Variants in ARHGAP6 observed in about 807,000 individuals in gnomAD.
ARHGAP6 encodes the protein rho GTPase-activating protein 6.
ARHGAP6 carries 16 observed loss-of-function variants against 55.7 expected under a neutral mutation model. The observed-to-expected ratio is 0.29, with a 90% CI of 0.19 to 0.44. ARHGAP6 has a LOEUF of 0.44. Among genes scored for constraint, ARHGAP6 ranks in the 20% least tolerant of loss-of-function variants. The probability of loss-of-function intolerance (pLI) is 1.00; values close to 1 mark genes in which losing one functional copy is unlikely to be tolerated. For synonymous variants in ARHGAP6, 382 were observed against 360.9 expected, an observed-to-expected ratio of 1.06 and a Z score of -0.66; for missense variants, 698 against 808.9, an observed-to-expected ratio of 0.86 and a Z score of 1.66.
intron 1 of ARHGAP6, chrX:11,296,814 C>G: frequency 8.3e-7 from 1 of 1,211,003 alleles, no homozygotes; most frequent in East Asian, 3.0e-5. Flanking sequence ...GTTATATCAA[C>G]TTCAGCTATG....
intron 1 of ARHGAP6, among the ~76,000 whole-genome samples, chrX:11,490,708 A>G (rs1289074788): frequency 2.7e-5 from 3 of 112,055 alleles, no homozygotes; most frequent in African/African-American, 9.7e-5. Flanking sequence ...ATGGCTATTC[A>G]CAGTTTTTGG....
At chrX:11,576,017 T>A (rs917165753) in intron 1 of ARHGAP6, among the ~76,000 whole-genome samples, 1 of 112,408 alleles carries the variant, frequency 8.9e-6, no homozygotes, top group Admixed American at 9.5e-5. Flanking sequence ...CAGTAAATTA[T>A]CGTTTTTTTA....
intron 1 of ARHGAP6, among the ~76,000 whole-genome samples, chrX:11,287,068 G>T (rs910467262): frequency 9.1e-6 from 1 of 110,307 alleles, no homozygotes; most frequent in Admixed American, 9.5e-5. Context: ...GAACTTTATA[G>T]CATATAATTA....
chrX:11,203,307 A>T (rs773230767), intron 2 of ARHGAP6, among the ~76,000 whole-genome samples: 82 of 112,105 alleles, frequency 7.3e-4, no homozygotes, highest in Non-Finnish European at 1.4e-3. Context: ...TTACACAAGG[A>T]TATTGCAAGG....
At chrX:11,599,429 C>T (rs778991550) in intron 1 of ARHGAP6, among the ~76,000 whole-genome samples, 2 of 108,003 alleles carry the variant, frequency 1.9e-5, no homozygotes, top group African/African-American at 6.8e-5. Context: ...ATAGCCATCA[C>T]TTTAAACACT....
intron 1 of ARHGAP6, among the ~76,000 whole-genome samples, chrX:11,604,485 TAC>T (rs1314297284): frequency 3.6e-5 from 4 of 111,595 alleles, no homozygotes; most frequent in African/African-American, 9.8e-5. Context: ...GGCTGAGTTC[TAC>T]AGACATCTAG....
intron 1 of ARHGAP6, among the ~76,000 whole-genome samples, chrX:11,522,116 A>C (rs1375916823): frequency 8.9e-6 from 1 of 111,872 alleles, no homozygotes; most frequent in Non-Finnish European, 1.9e-5. Context: ...GAAACTGAAC[A>C]ATCTGCTCCT....
chrX:11,472,518 G>A (rs1358207496), intron 1 of ARHGAP6, among the ~76,000 whole-genome samples: 1 of 111,439 alleles, frequency 9.0e-6, no homozygotes, highest in East Asian at 2.8e-4. Context: ...AGTTCCTGAG[G>A]TGGTAAGGAG....
At chrX:11,300,431 T>G (rs1336835474) in intron 1 of ARHGAP6, among the ~76,000 whole-genome samples, 1 of 111,952 alleles carries the variant, frequency 8.9e-6, no homozygotes, top group Non-Finnish European at 1.9e-5. Flanking sequence ...GCAGTCCTCA[T>G]GGACACCTAA....
chrX:11,286,689 C>A (rs756664590), intron 1 of ARHGAP6, among the ~76,000 whole-genome samples: 1 of 112,205 alleles, frequency 8.9e-6, no homozygotes, highest in South Asian at 3.7e-4. Context: ...TTGCTGCTAA[C>A]ACCTAGAAGG....
chrX:11,244,918 G>A (rs1043142158), intron 2 of ARHGAP6, among the ~76,000 whole-genome samples: 17 of 112,123 alleles, frequency 1.5e-4, no homozygotes, highest in Non-Finnish European at 9.4e-5. Context: ...TGAATACCAT[G>A]GTACAAAGCA....
intron 1 of ARHGAP6, among the ~76,000 whole-genome samples, chrX:11,494,337 T>C (rs1364226620): frequency 8.9e-6 from 1 of 112,467 alleles, no homozygotes; most frequent in Non-Finnish European, 1.9e-5. Flanking sequence ...TAACTGAGCA[T>C]TGGCTCAGTT....
At chrX:11,615,377 T>C (rs758386884) in intron 1 of ARHGAP6, among the ~76,000 whole-genome samples, 2 of 112,196 alleles carry the variant, frequency 1.8e-5, no homozygotes, top group Non-Finnish European at 3.8e-5. Context: ...CTCATTCTTT[T>C]TTCTACTCCC....
At chrX:11,190,532 CACAT>C (rs1361772608) in intron 3 of ARHGAP6, among the ~76,000 whole-genome samples, 85 of 91,837 alleles carry the variant, frequency 9.3e-4, no homozygotes, top group African/African-American at 3.0e-3. Context: ...TACACACACA[CACAT>C]ACATATAATC....
At chrX:11,533,963 G>A (rs1472766198) in intron 1 of ARHGAP6, among the ~76,000 whole-genome samples, 1 of 112,274 alleles carries the variant, frequency 8.9e-6, no homozygotes, top group African/African-American at 3.2e-5. Flanking sequence ...ATATTGAAAG[G>A]TTTTGGATTT....
At chrX:11,510,475 C>T (rs1442079226) in intron 1 of ARHGAP6, among the ~76,000 whole-genome samples, 1 of 111,242 alleles carries the variant, frequency 9.0e-6, no homozygotes, top group Non-Finnish European at 1.9e-5. Context: ...GCCACAGATG[C>T]ACTTGGATGA....
intron 1 of ARHGAP6, among the ~76,000 whole-genome samples, chrX:11,458,139 A>G (rs183871772): frequency 1.8e-5 from 2 of 112,618 alleles, no homozygotes; most frequent in Admixed American, 1.9e-4. Context: ...TCCCTGATTC[A>G]GAGTTATATG....
At chrX:11,225,593 A>C (rs1848054054) in intron 2 of ARHGAP6, 1 of 279,303 alleles carries the variant, frequency 3.6e-6, no homozygotes, top group Non-Finnish European at 6.3e-6. Context: ...TATCCATTTA[A>C]AGCTAATGCA....
intron 1 of ARHGAP6, among the ~76,000 whole-genome samples, chrX:11,517,013 T>C (rs2050848625): frequency 1.8e-5 from 2 of 111,808 alleles, no homozygotes; most frequent in Admixed American, 9.6e-5. Flanking sequence ...GAACTCAAAA[T>C]CCATGCTGCA....
Sources: allele counts gnomAD v4.1 joint callset (sites outside exome capture counted in the v4.1 genomes callset), GRCh38; gene constraint gnomAD v4.1.1; transcripts MANE v1.5; gene names NCBI Gene and HGNC (gene_info 2026-07-23, HGNC 2026-07-21).